SLC2A12: variants seen among roughly 807,000 people sequenced by gnomAD.
SLC2A12 encodes the protein solute carrier family 2, facilitated glucose transporter member 12.
In SLC2A12, 23 loss-of-function variants were observed where a neutral mutation model predicts 41.8. That is an observed-to-expected ratio of 0.55 (90% CI 0.40 to 0.78). The LOEUF (loss-of-function observed/expected upper bound fraction) is 0.78. SLC2A12 is among the 30% of genes least tolerant of loss of function. The pLI is 0.00. For synonymous variants in SLC2A12, 295 were observed against 285.9 expected (o/e 1.03, Z -0.32); for missense variants, 654 against 745.6 (o/e 0.88, Z 1.43).
At chr6:134,031,876 T>C (rs1049534825) in intron 1 of SLC2A12, among the ~76,000 whole-genome samples, 52 of 152,010 alleles carry the variant, frequency 3.4e-4, no homozygotes, top group Non-Finnish European at 7.2e-4. Context: ...TGAGATCACT[T>C]AGGAAGATAA....
intron 1 of SLC2A12, among the ~76,000 whole-genome samples, chr6:134,040,079 GT>G (rs891491555): frequency 1.0e-4 from 13 of 128,468 alleles, no homozygotes; most frequent in Non-Finnish European, 1.9e-4. Flanking sequence ...TTTGTTTTTT[GT>G]TTTTTGTTTT....
In SLC2A12 at chr6:134,029,040, T is replaced by C; in HGVS notation, c.785A>G (p.Gln262Arg). The change falls in exon 2 of 5, where the codon CAG (glutamine) becomes CGG (arginine). Residue 262 changes from glutamine to arginine, a missense_variant. Transcript: ENST00000275230. ...ACGAAACAGATCCCAAAAACTGTAC[T>C]GATATTCATCTTTCAGGGAGGATTT... Reference protein sequence around the residue: ...VIKSSLKDEYQYSFWDLFRSK... With the variant: ...VIKSSLKDEYRYSFWDLFRSK... 6.2e-7 allele frequency: 1 copy of C among 1,614,266 alleles called. No individual in the cohort carries two copies. The highest frequency in any genetic ancestry group is 8.5e-7 in the Non-Finnish European group (1 of 1,180,036).
At chr6:134,029,788 G>T in intron 1 of SLC2A12, 67 bp from the exon 2 acceptor site, 1 of 1,513,734 alleles carries the variant, frequency 6.6e-7, no homozygotes, top group Non-Finnish European at 8.8e-7. Context: ...TTGTATTTGA[G>T]CGGAGATTTA....
chr6:134,050,772 T>G (rs1773671013), intron 1 of SLC2A12, among the ~76,000 whole-genome samples: 1 of 152,074 alleles, frequency 6.6e-6, no homozygotes, highest in African/African-American at 2.4e-5. Flanking sequence ...GAAAAGAACT[T>G]TGCAACTCTT....
At chr6:134,008,599 C>T (rs1026512050) in intron 2 of SLC2A12, among the ~76,000 whole-genome samples, 1 of 152,142 alleles carries the variant, frequency 6.6e-6, no homozygotes, top group Admixed American at 6.5e-5. Flanking sequence ...TTTAATGAGA[C>T]CAGTTTAGTG....
chr6:134,007,528 A>G (rs1776830371), intron 2 of SLC2A12, among the ~76,000 whole-genome samples: 1 of 152,238 alleles, frequency 6.6e-6, no homozygotes, highest in Admixed American at 6.5e-5. Context: ...AGATTTGATT[A>G]TTGTACCAGA....
rs1298205314 is a variant in SLC2A12, at chr6:134,006,845, G to T, written c.1534C>A (p.Leu512Ile). The change falls in exon 3 of 5, where the codon CTC becomes ATC. Residue 512 changes from leucine to isoleucine, a missense_variant. Around this residue, in one of 3 missense-constraint regions of SLC2A12, gnomAD observed 134 missense variants for 180.5 expected, o/e 0.74. Transcript: ENST00000275230. ...LTSSMNWGINLLISLTFLTVT... is the reference protein window; with the variant it reads ...LTSSMNWGINILISLTFLTVT... ...GTCAAAAATGTCAGCGAGATGAGGA[G>T]ATTGATGCCCCAGTTCATGCTAGAA... is the stretch of plus-strand genomic sequence containing the variant. 6.2e-7 allele frequency: 1 copy of T among 1,614,180 alleles called. No individual in the cohort carries two copies. Among genetic ancestry groups the T allele is most frequent in the Non-Finnish European group, 8.5e-7 (1 of 1,180,028 alleles).
intron 1 of SLC2A12, among the ~76,000 whole-genome samples, chr6:134,052,168 C>G (rs1237010997): frequency 6.6e-6 from 1 of 151,958 alleles, no homozygotes; most frequent in Non-Finnish European, 1.5e-5. Context: ...CACAACATTA[C>G]AGCTCCGAGC....
intron 2 of SLC2A12, among the ~76,000 whole-genome samples, chr6:134,018,289 A>G (rs908363149): frequency 6.6e-6 from 1 of 152,196 alleles, no homozygotes; most frequent in Non-Finnish European, 1.5e-5. Flanking sequence ...GGGGCACTTT[A>G]TACAGATTCC....
intron 2 of SLC2A12, among the ~76,000 whole-genome samples, chr6:134,016,563 T>A (rs1239276366): frequency 3.3e-5 from 5 of 152,024 alleles, no homozygotes; most frequent in African/African-American, 1.2e-4. Flanking sequence ...GTCAACATCA[T>A]TAAACTGTGA....
intron 1 of SLC2A12, among the ~76,000 whole-genome samples, chr6:134,036,101 G>A (rs1376011048): frequency 2.0e-5 from 3 of 152,158 alleles, no homozygotes; most frequent in African/African-American, 4.8e-5. Flanking sequence ...TAATGGGCAC[G>A]CAATAAACAC....
rs771074025 is a variant in SLC2A12 at position 133,990,090 on chromosome 6, C to T, written c.*1065G>A. 6.6e-6 allele frequency: 1 copy of T among 152,656 alleles called. No homozygotes were observed. Among genetic ancestry groups the T allele is most frequent in the South Asian group, 2.1e-4 (1 of 4,832 alleles). 9.5% of individuals were successfully genotyped at this position (152,656 alleles called of 1,614,324 possible). ...TTCATCGTTGTGTGGGTGAAACCCA[C>T]GTTGCTGGTACAGGTGGCCATCATA... On this transcript the variant is annotated 3_prime_UTR_variant, in exon 5 of 5. Transcript: ENST00000275230.
intron 1 of SLC2A12, among the ~76,000 whole-genome samples, chr6:134,043,558 G>A (rs1034479978): frequency 9.2e-5 from 14 of 151,986 alleles, no homozygotes; most frequent in African/African-American, 3.1e-4. Context: ...ACTTTGGGAG[G>A]CCGAGATGGG....
At chr6:134,039,900 T>C (rs1582625124) in intron 1 of SLC2A12, among the ~76,000 whole-genome samples, 1 of 152,286 alleles carries the variant, frequency 6.6e-6, no homozygotes, top group East Asian at 1.9e-4. Context: ...CACAATGTGA[T>C]GTACCTGCTC....
chr6:134,052,295 A>ACG (rs1773699364), intron 1 of SLC2A12, 83 bp downstream of exon 1: 1 of 1,109,208 alleles, frequency 9.0e-7, no homozygotes, highest in Non-Finnish European at 1.3e-6. Context: ...ACACACACAC[A>ACG]CGGGACTCAA....
At position 134,037,378 on chromosome 6, in the gene SLC2A12, TC is replaced by T. The variant is rs1158296146; in HGVS notation, c.104-7658del. Among the ~76,000 whole-genome samples, 10 of 150,544 alleles carry T rather than the reference TC, an allele frequency of 6.6e-5. No individual in the cohort carries two copies. In the South Asian group the frequency reaches 1.1e-3, roughly 16 times the overall value. The stretch of plus-strand genomic sequence containing the variant: ...TTGGCTTTTGTTTTTGTTTTTTTTT[TC>T]AGACGGAGTCTGGCTCTGTCGCCAG... On this transcript the variant is annotated intron_variant, in intron 1 of 4. Coordinates refer to ENST00000275230, the MANE Select transcript of SLC2A12 (RefSeq NM_145176.3).
Position 133,991,218 on chromosome 6 carries a change from C to A in SLC2A12, c.1791G>T (p.Gln597His), listed in dbSNP as rs1776618239. Residue 597 changes from glutamine (Q) to histidine (H), a missense_variant, in exon 5 of 5, where the codon CAG becomes CAT. Gln to His is a conservative substitution (Grantham distance 24, BLOSUM62 0). Transcript: ENST00000275230. ...KQPQKRKPQE[Q>H]LLECNKLCGR... ...CACACAGCTTGTTACACTCCAAGAG[C>A]TGCTCCTGGGGTTTTCTTTTTTGAG... 6.2e-7 allele frequency: 1 copy of A among 1,614,024 alleles called. No individual in the cohort carries two copies. The highest frequency in any genetic ancestry group is 8.5e-7 in the Non-Finnish European group (1 of 1,180,026).
intron 4 of SLC2A12, among the ~76,000 whole-genome samples, chr6:133,998,679 T>A (rs1464955662): frequency 6.6e-6 from 1 of 152,228 alleles, no homozygotes; most frequent in African/African-American, 2.4e-5. Context: ...TGGCTGGGAC[T>A]ACAGGCGCAA....
In SLC2A12 at chr6:134,006,944, A is replaced by C; in HGVS notation, c.1445-10T>G. On this transcript the variant is annotated splice_polypyrimidine_tract_variant and intron_variant, in intron 2 of 4. Transcript: ENST00000275230. The stretch of plus-strand genomic sequence containing the variant: ...AGCACCAGCCAGGGCACTAGAAGAA[A>C]GGCAAGAGTGGGTGGCGGACAGCAC... 6.2e-7 allele frequency: 1 copy of C among 1,613,836 alleles called. No homozygotes were observed. Among genetic ancestry groups the C allele is most frequent in the Non-Finnish European group, 8.5e-7 (1 of 1,179,876 alleles).
Sources: gnomAD v4.1 joint callset for allele counts (sites outside exome capture counted in the v4.1 genomes callset) on GRCh38, gnomAD v4.1.1 for gene constraint, gnomAD v4.1.1 regional missense constraint, MANE v1.5 for transcripts, NCBI Gene and HGNC (gene_info 2026-07-23, HGNC 2026-07-21) for gene names.